The following HNRNPUL1 variants were observed in gnomAD, a reference collection of about 807,000 sequenced individuals.
HNRNPUL1 encodes the protein heterogeneous nuclear ribonucleoprotein U like 1.
HNRNPUL1 carries 14 observed loss-of-function variants against 108.5 expected under a neutral mutation model. That is an observed-to-expected ratio of 0.13 (90% CI 0.09 to 0.20). HNRNPUL1 has a LOEUF of 0.20. Ranked by LOEUF, HNRNPUL1 falls within the 10% of genes least tolerant of loss-of-function variation. The pLI, the probability that HNRNPUL1 is intolerant of heterozygous loss-of-function variation, is 1.00. For synonymous variants in HNRNPUL1, 422 were observed against 445.2 expected (o/e 0.95, Z 0.66); for missense variants, 804 against 1,168.3 (o/e 0.69, Z 4.55).
Position 41,264,639 on chromosome 19 carries a change from CG to C in HNRNPUL1, c.139del (p.Glu47SerfsTer95). 6.3e-7 allele frequency: 1 copy of C among 1,584,814 alleles called. No homozygotes were observed. The highest frequency in any genetic ancestry group is 8.5e-7 in the Non-Finnish European group (1 of 1,173,092). ...GGAGGCCGAGGAGCCTGACGACGAGCGGGAGCTCGACGCCGACGACGAACCG... is the reference window on the plus strand; with the variant it reads ...GGAGGCCGAGGAGCCTGACGACGAGCGGAGCTCGACGCCGACGACGAACCG... ...ALEAEEPDDERELDADDEPGR... is the reference protein window; with the variant it reads ...ALEAEEPDDEXELDADDEPGR... On this transcript the variant is annotated frameshift_variant, in exon 1 of 15. Transcript: ENST00000392006. LOFTEE classifies it high-confidence loss of function.
intron 1 of HNRNPUL1, chr19:41,265,360 G>GC: frequency 2.5e-5 from 18 of 709,224 alleles, no homozygotes; most frequent in Non-Finnish European, 3.8e-5. Flanking sequence ...GGGTGGGTGG[G>GC]AGAGGTGGAG....
chr19:41,306,575 C>T lies in HNRNPUL1; in HGVS notation c.*10C>T, dbSNP rs749115347. On this transcript the variant is annotated 3_prime_UTR_variant, in exon 15 of 15. Transcript: ENST00000392006. Reference sequence around the variant, plus strand: ...CACAAGTACACAGTAGCCAGTGTGACCCAGAGGCTCCCGGAGGCCCCTGCC... The same window carrying T: ...CACAAGTACACAGTAGCCAGTGTGATCCAGAGGCTCCCGGAGGCCCCTGCC... 3 of 1,471,566 alleles carry T rather than the reference C, an allele frequency of 2.0e-6. No individual in the cohort carries two copies. The highest frequency in any genetic ancestry group is 2.7e-6 in the Non-Finnish European group (3 of 1,103,606). 91.2% of individuals were successfully genotyped at this position (1,471,566 alleles called of 1,614,324 possible). A position where few individuals can be genotyped will look rare whatever the true frequency, so the allele number is the denominator to read the frequency against.
chr19:41,295,393 C>A (rs1183342417), intron 10 of HNRNPUL1, among the ~76,000 whole-genome samples: 1 of 151,742 alleles, frequency 6.6e-6, no homozygotes, highest in African/African-American at 2.4e-5. Flanking sequence ...GAAAAAAAAA[C>A]AGTTTTTTGT....
chr19:41,289,713 C>CTTTTTTTT (rs71177710), intron 7 of HNRNPUL1, among the ~76,000 whole-genome samples: 2 of 119,932 alleles, frequency 1.7e-5, no homozygotes, highest in Non-Finnish European at 3.4e-5. Flanking sequence ...TCTCCATGGT[C>CTTTTTTTT]TTTTTTTTTT....
At chr19:41,266,014 C>G (rs1376541258) in intron 1 of HNRNPUL1, among the ~76,000 whole-genome samples, 1 of 151,990 alleles carries the variant, frequency 6.6e-6, no homozygotes, top group Non-Finnish European at 1.5e-5. Context: ...TGGGGGCCCT[C>G]GGGGAGCAGC....
At chr19:41,266,727 GGA>G (rs2034872694) in intron 1 of HNRNPUL1, among the ~76,000 whole-genome samples, 1 of 152,198 alleles carries the variant, frequency 6.6e-6, no homozygotes, top group Non-Finnish European at 1.5e-5. Context: ...AAGGGGATAA[GGA>G]GAGAAATGAG....
chr19:41,296,716 G>A (rs1236152185), intron 10 of HNRNPUL1, among the ~76,000 whole-genome samples: 6 of 152,198 alleles, frequency 3.9e-5, no homozygotes, highest in Admixed American at 1.3e-4. Flanking sequence ...CAGCTTTGGC[G>A]GTGACAGGTA....
At chr19:41,272,414 C>A in intron 3 of HNRNPUL1, 179 bp downstream of exon 3, 1 of 621,770 alleles carries the variant, frequency 1.6e-6, no homozygotes, top group Non-Finnish European at 2.7e-6. Context: ...AACTTTTGGT[C>A]CTTCCCCCAG....
At chr19:41,266,641 G>A (rs540629074) in intron 1 of HNRNPUL1, among the ~76,000 whole-genome samples, 39 of 152,210 alleles carry the variant, frequency 2.6e-4, no homozygotes, top group African/African-American at 8.4e-4. Context: ...GAAAGGTTAA[G>A]GAGTAAGTAG....
chr19:41,304,036 C>T lies in HNRNPUL1; in HGVS notation c.2037C>T (p.Asn679=). ...QNRWGNNNRD[N]NNSNNRGSYN... Reference sequence around the variant, plus strand: ...GCTGGGGTAACAACAACCGGGATAACAACAACTCCAACAACAGAGGCAGCT... The same window carrying T: ...GCTGGGGTAACAACAACCGGGATAATAACAACTCCAACAACAGAGGCAGCT... The change falls in exon 13 of 15, where the codon AAC becomes AAT. Residue 679 remains asparagine (N), a synonymous_variant. Coordinates refer to ENST00000392006, the MANE Select transcript of HNRNPUL1 (RefSeq NM_007040.6). 6.2e-7 allele frequency: 1 copy of T among 1,613,884 alleles called. No individual in the cohort carries two copies. Among genetic ancestry groups the T allele is most frequent in the Non-Finnish European group, 8.5e-7 (1 of 1,179,818 alleles).
At chr19:41,268,856 G>A (rs2035027584) in intron 2 of HNRNPUL1, among the ~76,000 whole-genome samples, 1 of 151,422 alleles carries the variant, frequency 6.6e-6, no homozygotes, top group African/African-American at 2.4e-5. Context: ...GAGTGAAACT[G>A]CATCTCAAAA....
rs2034974961 is a variant in HNRNPUL1 at position 41,268,208 on chromosome 19, T to A, written c.296-15T>A. On this transcript the variant is annotated splice_polypyrimidine_tract_variant and intron_variant, in intron 1 of 14. Coordinates refer to ENST00000392006, the MANE Select transcript of HNRNPUL1 (RefSeq NM_007040.6). ...AACCGCCCCTCTAATTGGCCATTTT[T>A]AATTTTGTTTTAAGATGCCATGGAC... 5.6e-6 allele frequency: 9 copies of A among 1,611,714 alleles called. No homozygotes were observed. Among genetic ancestry groups the A allele is most frequent in the South Asian group, 5.5e-5 (5 of 90,648 alleles).
At chr19:41,291,458 G>A (rs1200425023) in intron 7 of HNRNPUL1, among the ~76,000 whole-genome samples, 1 of 152,046 alleles carries the variant, frequency 6.6e-6, no homozygotes, top group East Asian at 1.9e-4. Context: ...GCCCTTTCTG[G>A]GTTTCTTTTG....
chr19:41,277,786 C>G (rs979871544), intron 5 of HNRNPUL1, among the ~76,000 whole-genome samples: 1 of 152,024 alleles, frequency 6.6e-6, no homozygotes, highest in South Asian at 2.1e-4. Context: ...GGATTACAGG[C>G]GTGAGCTGCC....
chr19:41,306,778 C>T lies in HNRNPUL1; in HGVS notation c.*213C>T, dbSNP rs996641080. 1.5e-5 allele frequency: 6 copies of T among 395,798 alleles called. No homozygotes were observed. Among genetic ancestry groups the T allele is most frequent in the Middle Eastern group, 6.5e-4 (1 of 1,532 alleles). 24.5% of individuals were successfully genotyped at this position (395,798 alleles called of 1,614,324 possible). Reference sequence around the variant, plus strand: ...TCTGGATTCAAACAGGCAACAATGACCTTTTATTTTCTGTTTGTCCCCACC... The same window carrying T: ...TCTGGATTCAAACAGGCAACAATGATCTTTTATTTTCTGTTTGTCCCCACC... On this transcript the variant is annotated 3_prime_UTR_variant, in exon 15 of 15. Transcript: ENST00000392006.
At chr19:41,264,073 A>G (rs941333492), upstream of HNRNPUL1, among the ~76,000 whole-genome samples, 6 of 152,156 alleles carry the variant, frequency 3.9e-5, no homozygotes, top group Non-Finnish European at 8.8e-5. Context: ...CGTTGATTGG[A>G]CCAAATTGTT....
rs578035259 is a variant in HNRNPUL1 at position 41,268,078 on chromosome 19, T to G, written c.296-145T>G. 1.2e-5 allele frequency: 9 copies of G among 726,296 alleles called. No individual in the cohort carries two copies. The South Asian group carries it at 1.6e-4, about 13-fold the overall frequency. 45.0% of individuals were successfully genotyped at this position (726,296 alleles called of 1,614,324 possible). Reference sequence around the variant, plus strand: ...CAGCTGTATCCCAGGCTCTGGAGTATAGTATGCATGCCATGAATAGTTAAT... The same window carrying G: ...CAGCTGTATCCCAGGCTCTGGAGTAGAGTATGCATGCCATGAATAGTTAAT... On this transcript the variant is annotated intron_variant, in intron 1 of 14. Coordinates refer to ENST00000392006, the MANE Select transcript of HNRNPUL1 (RefSeq NM_007040.6).
At chr19:41,266,362 G>C (rs546293780) in intron 1 of HNRNPUL1, among the ~76,000 whole-genome samples, 1 of 152,156 alleles carries the variant, frequency 6.6e-6, no homozygotes, top group Non-Finnish European at 1.5e-5. Context: ...GAACTTGGGA[G>C]GGGGAGGTTG....
At chr19:41,274,915 G>A (rs1344998832) in intron 4 of HNRNPUL1, among the ~76,000 whole-genome samples, 2 of 152,194 alleles carry the variant, frequency 1.3e-5, no homozygotes, top group Admixed American at 1.3e-4. Context: ...AGTGTTGGGT[G>A]GCAGTGGTTC....
Sources: gnomAD v4.1 joint callset for allele counts (sites outside exome capture counted in the v4.1 genomes callset) on GRCh38, gnomAD v4.1.1 for gene constraint, MANE v1.5 for transcripts, NCBI Gene and HGNC (gene_info 2026-07-23, HGNC 2026-07-21) for gene names.